The following GAPVD1 variants were observed in gnomAD, a reference collection of about 807,000 sequenced individuals.
GAPVD1 encodes GTPase activating protein and VPS9 domains 1.
A neutral mutation model predicts 155.5 loss-of-function variants in GAPVD1; 35 were observed. That is an observed-to-expected ratio of 0.23 (90% CI 0.17 to 0.30). GAPVD1 has a LOEUF of 0.30. GAPVD1 is among the 10% of genes least tolerant of loss of function. The pLI, the probability that GAPVD1 is intolerant of heterozygous loss-of-function variation, is 1.00. For missense variants in GAPVD1, 1,429 were observed against 1,775.7 expected (o/e 0.80, Z 3.51); for synonymous variants, 636 against 619.7 (o/e 1.03, Z -0.39).
chr9:125,307,945 G>C (rs773211915), intron 8 of GAPVD1, 65 bp downstream of exon 8: 26 of 1,144,860 alleles, frequency 2.3e-5, no homozygotes, highest in Non-Finnish European at 3.2e-5. Flanking sequence ...CTTTGTTATT[G>C]CTGAGTGTTT....
Position 125,302,530 on chromosome 9 carries a change from C to G in GAPVD1, c.733C>G (p.Gln245Glu), listed in dbSNP as rs1449973672. 6.2e-7 allele frequency: 1 copy of G among 1,613,874 alleles called. No individual in the cohort carries two copies. The highest frequency in any genetic ancestry group is 1.7e-5 in the Admixed American group (1 of 60,006). ...AGAGAAGGGCTCAGATAGATTCAGG[C>G]AAAAAGTTCAAGAAATGGTGGAGTC... is the stretch of plus-strand genomic sequence containing the variant. ...FGEKGSDRFR[Q>E]KVQEMVESNE... is the part of the protein sequence containing the mutation. Residue 245 changes from glutamine to glutamate, a missense_variant, in exon 5 of 28, where the codon CAA becomes GAA. Transcript: ENST00000297933.
chr9:125,348,572 G>A (rs1848855731), intron 20 of GAPVD1, among the ~76,000 whole-genome samples: 1 of 152,036 alleles, frequency 6.6e-6, no homozygotes, highest in Non-Finnish European at 1.5e-5. Flanking sequence ...GAGTACAGTG[G>A]TGCAATCTTG....
In GAPVD1 at chr9:125,360,736, T is replaced by TA. The variant is rs553167144; in HGVS notation, c.4242+12dup. ...TTTGTGTTGATAAAGGTGGGCCCCT[T>TA]ACTACTATCAGTTAAGGAGTTATGT... On this transcript the variant is annotated intron_variant, in intron 27 of 27. Transcript: ENST00000297933. The TA allele has an allele frequency of 1.9e-4, 310 of 1,603,424 alleles. No homozygotes were observed. Among genetic ancestry groups the TA allele is most frequent in the Non-Finnish European group, 2.5e-4 (292 of 1,170,944 alleles).
Position 125,346,959 on chromosome 9 carries a change from G to T in GAPVD1, c.3169+18G>T. 1 of 1,611,928 alleles carries T rather than the reference G, an allele frequency of 6.2e-7. No individual in the cohort carries two copies. The highest frequency in any genetic ancestry group is 1.1e-5 in the South Asian group (1 of 90,972). ...AAGTACAGGTGATAATCATGACAGA[G>T]ATTTGAGTAGTAAACTTTTATATCA... is the stretch of plus-strand genomic sequence containing the variant. On this transcript the variant is annotated intron_variant, in intron 20 of 27. Coordinates refer to ENST00000297933, the MANE Select transcript of GAPVD1 (RefSeq NM_001282680.3).
At chr9:125,335,612 G>A (rs1222393990) in intron 15 of GAPVD1, among the ~76,000 whole-genome samples, 1 of 152,060 alleles carries the variant, frequency 6.6e-6, no homozygotes, top group Non-Finnish European at 1.5e-5. Context: ...AGGAGGTGGA[G>A]GTTGCAGTGA....
chr9:125,293,850 TTTTATATATATATATATATATATA>T (rs1212557219), intron 2 of GAPVD1, among the ~76,000 whole-genome samples: 10 of 42,862 alleles, frequency 2.3e-4, no homozygotes, highest in African/African-American at 6.0e-4. Context: ...TAAAAATATA[TTTTATATATATATATATATATATA>T]TATATATATA....
In GAPVD1 at chr9:125,303,117, C is replaced by T. The variant is rs372809474; in HGVS notation, c.1029+291C>T. On this transcript the variant is annotated intron_variant, in intron 5 of 27. Coordinates refer to ENST00000297933, the MANE Select transcript of GAPVD1 (RefSeq NM_001282680.3). ...TCAGCTCACTGCAACCTCCGCCTCC[C>T]GGGTTCAAGCAATTCTCCTGCTTCA... Among the ~76,000 whole-genome samples the T allele has an allele frequency of 1.9e-4, 29 of 152,180 alleles. No individual in the cohort carries two copies. In the East Asian group the frequency reaches 2.0e-3, roughly 10 times the overall value.
intron 11 of GAPVD1, among the ~76,000 whole-genome samples, chr9:125,325,985 G>A (rs2131625901): frequency 6.6e-6 from 1 of 152,272 alleles, no homozygotes; most frequent in East Asian, 1.9e-4. Context: ...CCTTAGTTCA[G>A]TGTATCCACA....
intron 1 of GAPVD1, among the ~76,000 whole-genome samples, chr9:125,267,079 A>G (rs1336657108): frequency 6.6e-6 from 1 of 152,122 alleles, no homozygotes; most frequent in Non-Finnish European, 1.5e-5. Flanking sequence ...GTAATCCATA[A>G]CTTCTAAATA....
At chr9:125,275,298 A>G (rs1835589485) in intron 2 of GAPVD1, among the ~76,000 whole-genome samples, 1 of 151,384 alleles carries the variant, frequency 6.6e-6, no homozygotes, top group South Asian at 2.1e-4. Context: ...CTGGTCTTGA[A>G]CTCCTGACCT....
At chr9:125,271,631 A>C (rs1336542448) in intron 2 of GAPVD1, among the ~76,000 whole-genome samples, 5 of 152,030 alleles carry the variant, frequency 3.3e-5, no homozygotes, top group Non-Finnish European at 7.4e-5. Context: ...GCTCACTGCA[A>C]CCTCTGCCTC....
chr9:125,313,299 TTC>T (rs1842917158), intron 9 of GAPVD1, among the ~76,000 whole-genome samples: 1 of 151,588 alleles, frequency 6.6e-6, no homozygotes, highest in East Asian at 1.9e-4. Context: ...TTTTTTCTTT[TTC>T]TTTTTCTTTT....
intron 1 of GAPVD1, among the ~76,000 whole-genome samples, chr9:125,266,734 T>A (rs1292098603): frequency 6.6e-6 from 1 of 152,068 alleles, no homozygotes; most frequent in African/African-American, 2.4e-5. Flanking sequence ...TATCTTTCCC[T>A]ATTTTCTGCT....
rs1403496141 is a variant in GAPVD1 at position 125,364,912 on chromosome 9, A to G, written c.*2166A>G. ...TTGAAATTCATTGTTACAGGATTTAACTCATAAACCAATGAGAGATTTTTT... is the reference window on the plus strand; with the variant it reads ...TTGAAATTCATTGTTACAGGATTTAGCTCATAAACCAATGAGAGATTTTTT... On this transcript the variant is annotated 3_prime_UTR_variant, in exon 28 of 28. Coordinates refer to ENST00000297933, the MANE Select transcript of GAPVD1 (RefSeq NM_001282680.3). The G allele has an allele frequency of 6.6e-6, 1 of 152,582 alleles. No homozygotes were observed. Among genetic ancestry groups the G allele is most frequent in the African/African-American group, 2.4e-5 (1 of 41,414 alleles). The allele number at this position is 152,582 out of a possible 1,614,324, so 9.5% of individuals were successfully genotyped here.
intron 23 of GAPVD1, among the ~76,000 whole-genome samples, chr9:125,353,513 C>G (rs928260142): frequency 3.0e-4 from 45 of 152,144 alleles, no homozygotes; most frequent in Admixed American, 2.6e-3. Flanking sequence ...TTTAGCAGTA[C>G]CCCACTCTCG....
Position 125,285,957 on chromosome 9 carries a change from G to A in GAPVD1, c.-149-9501G>A, listed in dbSNP as rs142196893. Among the ~76,000 whole-genome samples the A allele has an allele frequency of 1.1e-4, 16 of 151,480 alleles. No individual in the cohort carries two copies. In the East Asian group the frequency reaches 2.7e-3, roughly 26 times the overall value. On this transcript the variant is annotated intron_variant, in intron 2 of 27. Coordinates refer to ENST00000297933, the MANE Select transcript of GAPVD1 (RefSeq NM_001282680.3). The stretch of plus-strand genomic sequence containing the variant: ...TGAGTAGCTGAGACTACAGGCATGC[G>A]CGATCACACTCAGATAATTTTCGTG...
At chr9:125,275,265 G>A (rs182571284) in intron 2 of GAPVD1, among the ~76,000 whole-genome samples, 112 of 151,624 alleles carry the variant, frequency 7.4e-4, no homozygotes, top group African/African-American at 2.7e-3. Context: ...TAGTAGAGAC[G>A]GGGTTTCACT....
At chr9:125,298,606 A>C (rs1407652726) in intron 3 of GAPVD1, among the ~76,000 whole-genome samples, 1 of 146,814 alleles carries the variant, frequency 6.8e-6, no homozygotes. Context: ...CCCCTGCCTC[A>C]GCCTTCTGAG....
At chr9:125,326,326 T>C (rs1454245816) in intron 11 of GAPVD1, 90 bp from the exon 12 acceptor site, 16 of 908,178 alleles carry the variant, frequency 1.8e-5, no homozygotes, top group Non-Finnish European at 2.6e-5. Flanking sequence ...GAGACCAGCC[T>C]GACCAACATG....
Sources: gnomAD v4.1 joint callset for allele counts (sites outside exome capture counted in the v4.1 genomes callset) on GRCh38, gnomAD v4.1.1 for gene constraint, MANE v1.5 for transcripts, NCBI Gene and HGNC (gene_info 2026-07-23, HGNC 2026-07-21) for gene names.